Variants in R3HDM2 observed in about 807,000 individuals in gnomAD.
R3HDM2 encodes R3H domain containing 2.
A neutral mutation model predicts 124.5 loss-of-function variants in R3HDM2; 38 were observed. The observed-to-expected ratio is 0.31, with a 90% CI of 0.24 to 0.40. R3HDM2 has a LOEUF of 0.40. Ranked by LOEUF, R3HDM2 falls within the 10% of genes least tolerant of loss-of-function variation. The pLI is 1.00. For missense variants in R3HDM2, 869 were observed against 1,236.9 expected (o/e 0.70, Z 4.46); for synonymous variants, 391 against 448.0 (o/e 0.87, Z 1.61).
chr12:57,270,027 C>T (rs1431209504), intron 14 of R3HDM2, 33 bp from the exon 15 acceptor site: 3 of 1,610,556 alleles, frequency 1.9e-6, no homozygotes, highest in African/African-American at 1.3e-5. Context: ...AGGATTGGGG[C>T]TGTATCAAAC....
intron 16 of R3HDM2, 36 bp from the exon 17 acceptor site, chr12:57,269,118 A>C (rs1204061322): frequency 1.2e-6 from 2 of 1,609,566 alleles, no homozygotes; most frequent in East Asian, 4.5e-5. Context: ...CATTAGTATG[A>C]ATGTTTAGGA....
At chr12:57,288,162 C>T (rs1303257072) in intron 12 of R3HDM2, among the ~76,000 whole-genome samples, 4 of 151,700 alleles carry the variant, frequency 2.6e-5, no homozygotes, top group East Asian at 1.9e-4. Context: ...CCCACCACCA[C>T]GCCTGGCTAA....
chr12:57,388,747 C>T (rs549313946), intron 2 of R3HDM2, among the ~76,000 whole-genome samples: 2 of 151,940 alleles, frequency 1.3e-5, no homozygotes, highest in African/African-American at 4.8e-5. Flanking sequence ...CTCCTTTTCC[C>T]GAATTAGGAC....
chr12:57,256,331 C>A lies in R3HDM2; in HGVS notation c.2547+83G>T. On this transcript the variant is annotated intron_variant, in intron 22 of 23. Transcript: ENST00000402412. ...CATTCTGTGTTATTTCCCTTGTATA[C>A]CCAGCTGGTTGAAGCTCAGACACAG... 5.8e-6 allele frequency: 7 copies of A among 1,205,556 alleles called. No homozygotes were observed. In the South Asian group the frequency reaches 8.9e-5, roughly 15 times the overall value. The allele number at this position is 1,205,556 out of a possible 1,614,324, so 74.7% of individuals were successfully genotyped here. A position where few individuals can be genotyped will look rare whatever the true frequency, so the allele number is the denominator to read the frequency against.
chr12:57,418,630 C>T (rs994443630), intron 1 of R3HDM2, among the ~76,000 whole-genome samples: 2 of 151,252 alleles, frequency 1.3e-5, no homozygotes, highest in East Asian at 3.9e-4. Context: ...GCGATCTCAG[C>T]TCACCGCAAC....
chr12:57,306,341 A>G (rs996757399), intron 3 of R3HDM2, among the ~76,000 whole-genome samples: 3 of 152,150 alleles, frequency 2.0e-5, no homozygotes, highest in Admixed American at 6.5e-5. Context: ...CTAAAACAAT[A>G]TGGTACATTT....
chr12:57,254,586 G>A lies in R3HDM2; in HGVS notation c.*187C>T. On this transcript the variant is annotated 3_prime_UTR_variant, in exon 24 of 24. Coordinates refer to ENST00000402412, the MANE Select transcript of R3HDM2 (RefSeq NM_001394031.1). The stretch of plus-strand genomic sequence containing the variant: ...AACCAGGGAAAAAGAGAGGACCCAT[G>A]GCAGGGGAGCAAGAAGGAGTCCAAT... The A allele has an allele frequency of 1.8e-6, 1 of 559,638 alleles. No homozygotes were observed. The highest frequency in any genetic ancestry group is 3.1e-6 in the Non-Finnish European group (1 of 326,472). 34.7% of individuals were successfully genotyped at this position (559,638 alleles called of 1,614,324 possible).
chr12:57,294,829 C>G (rs567620954), intron 10 of R3HDM2, among the ~76,000 whole-genome samples: 289 of 152,348 alleles, frequency 1.9e-3, no homozygotes, highest in Non-Finnish European at 3.5e-3. Context: ...GGGGATCTAT[C>G]TGAGGTTCCC....
At position 57,345,996 on chromosome 12, in the gene R3HDM2, C is replaced by T. The variant is rs556960183; in HGVS notation, c.-35-35533G>A. 1.6e-3 allele frequency among the ~76,000 whole-genome samples: 251 copies of T among 152,146 alleles called. 1 individual carries two copies. Among genetic ancestry groups the T allele is most frequent in the South Asian group, 4.6e-3 (22 of 4,822 alleles). ...CCAACACGGTGAAACCCAACCTCTA[C>T]CAAAAATACAAAAATTAGCCGGGCG... On this transcript the variant is annotated intron_variant, in intron 2 of 23. Transcript: ENST00000402412.
rs570994421 is a variant in R3HDM2, at chr12:57,353,440, A to T, written c.-36+42309T>A. Among the ~76,000 whole-genome samples, 13 of 152,312 alleles carry T rather than the reference A, an allele frequency of 8.5e-5. No homozygotes were observed. The East Asian group carries it at 2.1e-3, about 25-fold the overall frequency. On this transcript the variant is annotated intron_variant, in intron 2 of 23. Coordinates refer to ENST00000402412, the MANE Select transcript of R3HDM2 (RefSeq NM_001394031.1). Reference sequence around the variant, plus strand: ...CACCCAACAGACCACCAAAAACTTTAAAAAATGTCTTACAATTTCCATGTA... The same window carrying T: ...CACCCAACAGACCACCAAAAACTTTTAAAAATGTCTTACAATTTCCATGTA...
intron 2 of R3HDM2, among the ~76,000 whole-genome samples, chr12:57,344,486 A>T (rs1389108077): frequency 6.6e-6 from 1 of 152,264 alleles, no homozygotes; most frequent in Non-Finnish European, 1.5e-5. Context: ...AATTTGTATA[A>T]GAAAAGAGAT....
At chr12:57,352,257 A>C (rs2060764018) in intron 2 of R3HDM2, among the ~76,000 whole-genome samples, 1 of 151,626 alleles carries the variant, frequency 6.6e-6, no homozygotes. Flanking sequence ...AAAAAAAAAA[A>C]AAAAACAAAT....
chr12:57,353,145 AT>A (rs1214625788), intron 2 of R3HDM2, among the ~76,000 whole-genome samples: 2 of 152,120 alleles, frequency 1.3e-5, no homozygotes, highest in Admixed American at 6.5e-5. Context: ...TGACTTCAAA[AT>A]TGAAAACTTC....
intron 2 of R3HDM2, among the ~76,000 whole-genome samples, chr12:57,319,941 C>T (rs1377820324): frequency 6.6e-6 from 1 of 151,794 alleles, no homozygotes; most frequent in African/African-American, 2.4e-5. Flanking sequence ...TTTTCTGGGC[C>T]AAAACAAAAG....
chr12:57,386,541 G>A (rs986793567), intron 2 of R3HDM2, among the ~76,000 whole-genome samples: 1 of 152,212 alleles, frequency 6.6e-6, no homozygotes, highest in Admixed American at 6.5e-5. Flanking sequence ...CGCCATGCCT[G>A]AGCCTCCCCC....
At chr12:57,259,957 A>G (rs1220459003) in intron 19 of R3HDM2, among the ~76,000 whole-genome samples, 1 of 152,094 alleles carries the variant, frequency 6.6e-6, no homozygotes, top group African/African-American at 2.4e-5. Context: ...CAGCAGCAAG[A>G]AAGACCAGTC....
chr12:57,366,492 C>T (rs1323590915), intron 2 of R3HDM2, among the ~76,000 whole-genome samples: 1 of 152,108 alleles, frequency 6.6e-6, no homozygotes, highest in African/African-American at 2.4e-5. Flanking sequence ...TTTATATTTT[C>T]CATGTCTCTA....
At chr12:57,368,224 A>T (rs1479767902) in intron 2 of R3HDM2, among the ~76,000 whole-genome samples, 1 of 151,886 alleles carries the variant, frequency 6.6e-6, no homozygotes, top group Non-Finnish European at 1.5e-5. Context: ...TTCAATGTGT[A>T]TATATATATA....
intron 2 of R3HDM2, among the ~76,000 whole-genome samples, chr12:57,381,028 G>A (rs1352608454): frequency 2.6e-5 from 4 of 151,876 alleles, no homozygotes; most frequent in Non-Finnish European, 5.9e-5. Context: ...TCAGGCATTC[G>A]AGACCAGCCT....
Sources: allele counts gnomAD v4.1 joint callset (sites outside exome capture counted in the v4.1 genomes callset), GRCh38; gene constraint gnomAD v4.1.1; transcripts MANE v1.5; gene names NCBI Gene and HGNC (gene_info 2026-07-23, HGNC 2026-07-21).